Variants in SDK1 observed in about 807,000 individuals in gnomAD.
SDK1 encodes sidekick cell adhesion molecule 1, also known as protein sidekick-1.
SDK1 carries 157 observed loss-of-function variants against 245.5 expected under a neutral mutation model. The ratio of observed to expected loss-of-function variants is 0.64; its 90% CI spans 0.56 to 0.73. SDK1 has a LOEUF of 0.73. SDK1 is among the 30% of genes least tolerant of loss of function. The pLI is 0.00. For missense variants in SDK1, 3,583 were observed against 3,002.3 expected, an observed-to-expected ratio of 1.19 and a Z score of -4.52; for synonymous variants, 1,647 against 1,278.5, an observed-to-expected ratio of 1.29 and a Z score of -6.15.
chr7:3,523,927 C>A (rs1161513531), intron 1 of SDK1, among the ~76,000 whole-genome samples: 5 of 152,108 alleles, frequency 3.3e-5, no homozygotes, highest in Non-Finnish European at 7.3e-5. Flanking sequence ...CTGCTGTCAG[C>A]TTGAGACTTG....
intron 1 of SDK1, among the ~76,000 whole-genome samples, chr7:3,601,407 A>G (rs980235486): frequency 6.6e-6 from 1 of 152,004 alleles, no homozygotes. Flanking sequence ...TGCTTATGGG[A>G]CTATTTGGAC....
At chr7:3,860,688 T>G (rs1780669195) in intron 5 of SDK1, among the ~76,000 whole-genome samples, 1 of 152,200 alleles carries the variant, frequency 6.6e-6, no homozygotes, top group Admixed American at 6.5e-5. Context: ...GTAGCAGTCA[T>G]CTCCTCCTCT....
chr7:3,424,615 C>T (rs970957599), intron 1 of SDK1, among the ~76,000 whole-genome samples: 3 of 152,028 alleles, frequency 2.0e-5, no homozygotes, highest in Admixed American at 6.6e-5. Context: ...TCAAAAATAC[C>T]GGCTAGGCAC....
intron 4 of SDK1, among the ~76,000 whole-genome samples, chr7:3,762,198 G>A (rs1020358562): frequency 6.6e-6 from 1 of 152,172 alleles, no homozygotes; most frequent in African/African-American, 2.4e-5. Context: ...TAGATCCGTG[G>A]TTTCTAGTTG....
At position 4,097,922 on chromosome 7, in the gene SDK1, G is replaced by A. The variant is rs1782266747; in HGVS notation, c.3325-12741G>A. On this transcript the variant is annotated intron_variant, in intron 22 of 44. Coordinates refer to ENST00000404826, the MANE Select transcript of SDK1 (RefSeq NM_152744.4). ...TAATGACTCCTTCCATAATCCCACG[G>A]TCATCTGGTAAATTTGCCGAAACGG... is the stretch of plus-strand genomic sequence containing the variant. Among the ~76,000 whole-genome samples, 2 of 152,082 alleles carry A rather than the reference G, an allele frequency of 1.3e-5. 1 individual carries two copies. The highest frequency in any genetic ancestry group is 4.1e-4 in the South Asian group (2 of 4,822).
chr7:3,402,685 T>C (rs1284765872), intron 1 of SDK1, among the ~76,000 whole-genome samples: 2 of 152,164 alleles, frequency 1.3e-5, no homozygotes, highest in Non-Finnish European at 2.9e-5. Flanking sequence ...AAAAGTTGTT[T>C]TTCTTCTTGA....
intron 1 of SDK1, among the ~76,000 whole-genome samples, chr7:3,463,207 T>G (rs1780887312): frequency 6.6e-6 from 1 of 152,334 alleles, no homozygotes; most frequent in East Asian, 1.9e-4. Context: ...GTCCTTTAGG[T>G]TTACATTTAA....
Position 3,809,951 on chromosome 7 carries a change from A to G in SDK1, c.714-11499A>G, listed in dbSNP as rs141182741. 7.4e-3 allele frequency among the ~76,000 whole-genome samples: 1,124 copies of G among 152,334 alleles called. 5 individuals carry two copies. The highest frequency in any genetic ancestry group is 0.011 in the Non-Finnish European group (769 of 68,044). ...TGGCTGGGCCAACGCTTCTCTGCAG[A>G]GGCTGCAGGTGCGGACACCGACAGC... On this transcript the variant is annotated intron_variant, in intron 4 of 44. Transcript: ENST00000404826.
At chr7:3,705,525 G>A (rs978814163) in intron 4 of SDK1, among the ~76,000 whole-genome samples, 11 of 147,274 alleles carry the variant, frequency 7.5e-5, no homozygotes, top group African/African-American at 1.2e-4. Flanking sequence ...TTTGTAAAAG[G>A]GATTGAGTTC....
chr7:3,350,781 C>T lies in SDK1; in HGVS notation c.298+48897C>T, dbSNP rs542181811. ...TTTGTACTGGCTTGTTTACTTCTCA[C>T]GATTTATCTTGCAGTATGATAGTTT... is the stretch of plus-strand genomic sequence containing the variant. On this transcript the variant is annotated intron_variant, in intron 1 of 44. Coordinates refer to ENST00000404826, the MANE Select transcript of SDK1 (RefSeq NM_152744.4). Among the ~76,000 whole-genome samples, 10 of 152,090 alleles carry T rather than the reference C, an allele frequency of 6.6e-5. No homozygotes were observed. The East Asian group carries it at 1.5e-3, about 24-fold the overall frequency.
In SDK1 at chr7:4,132,433, C is replaced by T. The variant is rs113375564; in HGVS notation, c.4228+10C>T. ...AACGGCATCATCCTGGGTAAGGGAG[C>T]GGCGGTGGCCGGGCGTGGTGGCTCA... On this transcript the variant is annotated intron_variant, in intron 28 of 44. Coordinates refer to ENST00000404826, the MANE Select transcript of SDK1 (RefSeq NM_152744.4). 3.3e-5 allele frequency: 53 copies of T among 1,587,518 alleles called. No individual in the cohort carries two copies. Among genetic ancestry groups the T allele is most frequent in the Admixed American group, 6.8e-5 (4 of 59,090 alleles).
At chr7:4,087,278 G>A (rs1414038196) in intron 22 of SDK1, among the ~76,000 whole-genome samples, 1 of 152,094 alleles carries the variant, frequency 6.6e-6, no homozygotes, top group East Asian at 1.9e-4. Context: ...TTATTAAAAT[G>A]ACCATTTTTT....
At chr7:3,612,946 G>C (rs1210896105) in intron 1 of SDK1, among the ~76,000 whole-genome samples, 3 of 151,816 alleles carry the variant, frequency 2.0e-5, no homozygotes, top group Non-Finnish European at 2.9e-5. Flanking sequence ...TGATTCTTCT[G>C]CTAAGTGGAG....
At chr7:3,865,665 C>T (rs1054556649) in intron 5 of SDK1, among the ~76,000 whole-genome samples, 10 of 151,914 alleles carry the variant, frequency 6.6e-5, no homozygotes, top group Non-Finnish European at 1.5e-4. Flanking sequence ...TGTACCACCA[C>T]GTCTGGCTTA....
At chr7:4,142,527 C>A (rs1164840044) in intron 28 of SDK1, among the ~76,000 whole-genome samples, 1 of 152,154 alleles carries the variant, frequency 6.6e-6, no homozygotes, top group Non-Finnish European at 1.5e-5. Flanking sequence ...CAGGGTTTCA[C>A]CATTTTGGTC....
intron 1 of SDK1, among the ~76,000 whole-genome samples, chr7:3,505,728 C>G (rs886642711): frequency 6.6e-6 from 1 of 152,064 alleles, no homozygotes; most frequent in Non-Finnish European, 1.5e-5. Flanking sequence ...AAAAGTGGCT[C>G]AAAAATACAG....
At chr7:3,882,916 C>G (rs1326602152) in intron 5 of SDK1, among the ~76,000 whole-genome samples, 1 of 152,180 alleles carries the variant, frequency 6.6e-6, no homozygotes, top group Non-Finnish European at 1.5e-5. Context: ...ATTGTTCTGG[C>G]TTTTTTCCCC....
intron 22 of SDK1, among the ~76,000 whole-genome samples, chr7:4,088,562 T>G (rs1205957817): frequency 6.6e-6 from 1 of 152,214 alleles, no homozygotes; most frequent in South Asian, 2.1e-4. Flanking sequence ...TTGGTTTTTT[T>G]TTTTTAAAGC....
chr7:3,802,232 A>C (rs1188082250), intron 4 of SDK1, among the ~76,000 whole-genome samples: 1 of 152,150 alleles, frequency 6.6e-6, no homozygotes, highest in Non-Finnish European at 1.5e-5. Flanking sequence ...CTACCACTAC[A>C]TCCACAATAC....
Sources: gnomAD v4.1 joint callset for allele counts (sites outside exome capture counted in the v4.1 genomes callset) on GRCh38, gnomAD v4.1.1 for gene constraint, MANE v1.5 for transcripts, NCBI Gene and HGNC (gene_info 2026-07-23, HGNC 2026-07-21) for gene names.